Variants in KCNT2 observed in about 807,000 individuals in gnomAD.
KCNT2 encodes the protein potassium sodium-activated channel subfamily T member 2, also known as potassium channel subfamily T member 2.
In KCNT2, 67 loss-of-function variants were observed where a neutral mutation model predicts 153.8. The observed-to-expected ratio is 0.44, with a 90% CI of 0.36 to 0.53. The LOEUF is 0.53. Ranked by LOEUF, KCNT2 falls within the 20% of genes least tolerant of loss-of-function variation. The pLI is 0.00. For synonymous variants in KCNT2, 500 were observed against 458.8 expected, an observed-to-expected ratio of 1.09 and a Z score of -1.15; for missense variants, 975 against 1,354.8, an observed-to-expected ratio of 0.72 and a Z score of 4.40.
chr1:196,464,764 G>C (rs1162867761), intron 8 of KCNT2, among the ~76,000 whole-genome samples: 1 of 151,972 alleles, frequency 6.6e-6, no homozygotes, highest in East Asian at 1.9e-4. Context: ...GGAAATTACT[G>C]TTTTTATAAT....
intron 13 of KCNT2, among the ~76,000 whole-genome samples, chr1:196,380,752 T>C (rs183211930): frequency 6.6e-6 from 1 of 152,318 alleles, no homozygotes; most frequent in East Asian, 1.9e-4. Flanking sequence ...ATCCTTTGCT[T>C]ATTAGATTCT....
At chr1:196,305,117 A>G in intron 22 of KCNT2, 117 bp downstream of exon 22, 1 of 661,350 alleles carries the variant, frequency 1.5e-6, no homozygotes, top group South Asian at 1.7e-5. Flanking sequence ...TCCCAAATAA[A>G]AATTCAAAAC....
At chr1:196,456,978 C>A (rs977248217) in intron 8 of KCNT2, among the ~76,000 whole-genome samples, 3 of 151,890 alleles carry the variant, frequency 2.0e-5, no homozygotes, top group Admixed American at 2.0e-4. Flanking sequence ...GAGAGGAATT[C>A]TTTGTATTTT....
intron 1 of KCNT2, among the ~76,000 whole-genome samples, chr1:196,526,135 A>T (rs962360843): frequency 4.6e-5 from 7 of 151,962 alleles, no homozygotes; most frequent in Admixed American, 3.9e-4. Flanking sequence ...GGAACAGACA[A>T]GAATGCATTG....
At chr1:196,593,311 T>TATATAC (rs1256165838) in intron 1 of KCNT2, among the ~76,000 whole-genome samples, 145 of 140,202 alleles carry the variant, frequency 1.0e-3, no homozygotes, top group East Asian at 6.0e-3. Context: ...TATATATATA[T>TATATAC]ACACACACAC....
At chr1:196,483,365 G>A (rs1005174835) in intron 3 of KCNT2, among the ~76,000 whole-genome samples, 2 of 152,084 alleles carry the variant, frequency 1.3e-5, no homozygotes, top group African/African-American at 4.8e-5. Flanking sequence ...ACAATTGGAT[G>A]CTTGCAAAAA....
At chr1:196,589,956 T>G (rs1663145201) in intron 1 of KCNT2, among the ~76,000 whole-genome samples, 1 of 152,172 alleles carries the variant, frequency 6.6e-6, no homozygotes, top group Admixed American at 6.5e-5. Context: ...AGAGAACACA[T>G]TTTTGTAGCC....
chr1:196,499,763 C>T (rs1161592463), intron 1 of KCNT2, among the ~76,000 whole-genome samples: 2 of 151,974 alleles, frequency 1.3e-5, no homozygotes, highest in African/African-American at 4.8e-5. Flanking sequence ...CTTTAGCTGT[C>T]TATGATTTTA....
At chr1:196,433,253 T>C (rs1674319784) in intron 8 of KCNT2, among the ~76,000 whole-genome samples, 1 of 152,104 alleles carries the variant, frequency 6.6e-6, no homozygotes, top group Admixed American at 6.6e-5. Flanking sequence ...AGGAATTTTG[T>C]TATAGCAGCA....
intron 27 of KCNT2, among the ~76,000 whole-genome samples, chr1:196,233,451 G>A (rs367595364): frequency 1.3e-5 from 2 of 151,282 alleles, no homozygotes; most frequent in African/African-American, 2.4e-5. Context: ...CAAAACACTC[G>A]TCAGTAGTAC....
intron 25 of KCNT2, among the ~76,000 whole-genome samples, chr1:196,268,808 AC>A (rs1483376369): frequency 6.6e-6 from 1 of 151,768 alleles, no homozygotes; most frequent in Non-Finnish European, 1.5e-5. Context: ...TGCTCTCCCC[AC>A]AAAAAAAAAA....
intron 1 of KCNT2, among the ~76,000 whole-genome samples, chr1:196,504,339 GTT>G (rs1025207750): frequency 6.6e-6 from 1 of 150,636 alleles, no homozygotes; most frequent in African/African-American, 2.4e-5. Flanking sequence ...GCGGTGTTTG[GTT>G]TTTTGTCCTT....
intron 14 of KCNT2, among the ~76,000 whole-genome samples, chr1:196,346,935 T>C (rs1400964569): frequency 6.6e-6 from 1 of 152,138 alleles, no homozygotes; most frequent in Non-Finnish European, 1.5e-5. Flanking sequence ...ATTTATTTAA[T>C]GAAAAATTTT....
intron 8 of KCNT2, among the ~76,000 whole-genome samples, chr1:196,463,950 A>G (rs960554760): frequency 6.6e-6 from 1 of 151,834 alleles, no homozygotes. Flanking sequence ...TAACATCTCA[A>G]TTATCCTTTG....
At chr1:196,277,489 G>C (rs1421985543) in intron 25 of KCNT2, among the ~76,000 whole-genome samples, 1 of 152,054 alleles carries the variant, frequency 6.6e-6, no homozygotes, top group Non-Finnish European at 1.5e-5. Flanking sequence ...AACTCTTTCC[G>C]GGGTCCAGAG....
In KCNT2 at chr1:196,608,233, C is replaced by A; in HGVS notation, c.77G>T (p.Gly26Val). Residue 26 changes from glycine to valine, a missense_variant, in exon 1 of 28, where the codon GGA becomes GTA. Gly to Val is a moderately radical substitution (Grantham distance 109). Around this residue, in one of 6 missense-constraint regions of KCNT2, gnomAD observed 140 missense variants for 216.0 expected, o/e 0.65. Coordinates refer to ENST00000294725, the MANE Select transcript of KCNT2 (RefSeq NM_198503.5). Reference protein sequence around the residue: ...RFRDLLLGDQGWQNDDRVQVE... With the variant: ...RFRDLLLGDQVWQNDDRVQVE... Reference sequence around the variant, plus strand: ...CACTCACCTGTCGTCGTTTTGCCATCCTTGGTCCCCTAGCAGCAAATCTCG... The same window carrying A: ...CACTCACCTGTCGTCGTTTTGCCATACTTGGTCCCCTAGCAGCAAATCTCG... The A allele has an allele frequency of 6.2e-7, 1 of 1,614,118 alleles. No homozygotes were observed. Among genetic ancestry groups the A allele is most frequent in the Non-Finnish European group, 8.5e-7 (1 of 1,180,008 alleles).
chr1:196,485,522 G>T (rs1236216195), intron 3 of KCNT2, among the ~76,000 whole-genome samples: 2 of 151,654 alleles, frequency 1.3e-5, no homozygotes, highest in Non-Finnish European at 2.9e-5. Context: ...ATTTTCTTTG[G>T]TCTGTGATAT....
chr1:196,325,974 A>C (rs572941288), intron 19 of KCNT2, among the ~76,000 whole-genome samples: 1 of 152,230 alleles, frequency 6.6e-6, no homozygotes, highest in East Asian at 1.9e-4. Context: ...TCATCTTGAC[A>C]TTTGCATCAC....
chr1:196,501,837 G>C (rs549169413), intron 1 of KCNT2, among the ~76,000 whole-genome samples: 1 of 152,230 alleles, frequency 6.6e-6, no homozygotes, highest in East Asian at 1.9e-4. Context: ...GGTAGTTTTG[G>C]GCCGGGAGCG....
Sources: allele counts gnomAD v4.1 joint callset (sites outside exome capture counted in the v4.1 genomes callset), GRCh38; gene constraint gnomAD v4.1.1; regional missense constraint gnomAD v4.1.1; transcripts MANE v1.5; gene names NCBI Gene and HGNC (gene_info 2026-07-23, HGNC 2026-07-21).